Variants in MTR observed in about 807,000 individuals in gnomAD.
MTR encodes methionine synthase.
In MTR, 84 loss-of-function variants were observed where a neutral mutation model predicts 154.8. The ratio of observed to expected loss-of-function variants is 0.54; its 90% CI spans 0.45 to 0.65. The LOEUF (loss-of-function observed/expected upper bound fraction) is 0.65. Ranked by LOEUF, MTR falls within the 30% of genes least tolerant of loss-of-function variation. MTR has a pLI of 0.00. For synonymous variants in MTR, 554 were observed against 553.9 expected (o/e 1.00, Z 0.00); for missense variants, 1,275 against 1,570.2 (o/e 0.81, Z 3.18).
intron 22 of MTR, among the ~76,000 whole-genome samples, chr1:236,868,421 C>T (rs1327045225): frequency 6.6e-6 from 1 of 152,140 alleles, no homozygotes; most frequent in African/African-American, 2.4e-5. Flanking sequence ...TCACATGACT[C>T]ACTTTATTGA....
chr1:236,818,813 G>A (rs1201399830), intron 8 of MTR, among the ~76,000 whole-genome samples: 1 of 152,110 alleles, frequency 6.6e-6, no homozygotes, highest in Non-Finnish European at 1.5e-5. Context: ...TATATGTCCT[G>A]GAATACAGTC....
Position 236,795,334 on chromosome 1 carries a change from TC to T in MTR, c.-369del. 1 of 1,300,890 alleles carries T rather than the reference TC, an allele frequency of 7.7e-7. No homozygotes were observed. The highest frequency in any genetic ancestry group is 1.3e-5 in the South Asian group (1 of 76,644). 80.6% of individuals were successfully genotyped at this position (1,300,890 alleles called of 1,614,324 possible). A position where few individuals can be genotyped will look rare whatever the true frequency, so the allele number is the denominator to read the frequency against. On this transcript the variant is annotated 5_prime_UTR_variant, in exon 1 of 33. Coordinates refer to ENST00000366577, the MANE Select transcript of MTR (RefSeq NM_000254.3). ...GAAAGGTTCTAAATGTCTGCGGGGC[TC>T]AGAGCCGGATGTCACGTCGTCCTCC...
intron 15 of MTR, among the ~76,000 whole-genome samples, chr1:236,839,489 A>G (rs1346763956): frequency 6.6e-6 from 1 of 152,224 alleles, no homozygotes; most frequent in Non-Finnish European, 1.5e-5. Context: ...CCTTTATCAA[A>G]TAGAAGAAAA....
intron 15 of MTR, among the ~76,000 whole-genome samples, chr1:236,840,337 T>C (rs1362854938): frequency 6.6e-6 from 1 of 152,234 alleles, no homozygotes; most frequent in Non-Finnish European, 1.5e-5. Context: ...TTTGAATGTC[T>C]TGTGAGGAAA....
chr1:236,880,892 G>GT (rs1665696309), intron 25 of MTR, 56 bp downstream of exon 25: 7 of 1,483,842 alleles, frequency 4.7e-6, no homozygotes, highest in Non-Finnish European at 6.6e-6. Context: ...TGCATTACAA[G>GT]TAAGGGTTTA....
intron 20 of MTR, 115 bp downstream of exon 20, chr1:236,861,392 T>C: frequency 7.2e-7 from 1 of 1,390,902 alleles, no homozygotes; most frequent in Non-Finnish European, 1.0e-6. Context: ...TCAATGGTAT[T>C]GGCTAGTCAT....
chr1:236,867,116 G>C (rs1320308524), intron 22 of MTR, among the ~76,000 whole-genome samples: 12 of 152,148 alleles, frequency 7.9e-5, no homozygotes, highest in Non-Finnish European at 1.5e-4. Flanking sequence ...TTGGAAGTAG[G>C]TGCCATGCAG....
At chr1:236,801,111 C>T (rs1043257482) in intron 1 of MTR, among the ~76,000 whole-genome samples, 10 of 152,212 alleles carry the variant, frequency 6.6e-5, no homozygotes, top group Non-Finnish European at 1.3e-4. Flanking sequence ...GCGCCCACTG[C>T]CTGATGCCTA....
At chr1:236,897,308 A>ATGCGCGCGCG (rs57608445) in intron 32 of MTR, among the ~76,000 whole-genome samples, 190 bp downstream of exon 32, 2,812 of 131,380 alleles carry the variant, frequency 0.021, 122 homozygotes, top group African/African-American at 0.075. Context: ...AGCCACACAC[A>ATGCGCGCGCG]CGCACACACA....
chr1:236,875,946 G>A (rs1034361794), intron 24 of MTR, among the ~76,000 whole-genome samples: 16 of 152,156 alleles, frequency 1.1e-4, no homozygotes, highest in African/African-American at 3.9e-4. Context: ...GAGTCTAAAG[G>A]CAGTCTAGAG....
At chr1:236,859,454 T>C (rs1320692722) in intron 18 of MTR, among the ~76,000 whole-genome samples, 1 of 152,236 alleles carries the variant, frequency 6.6e-6, no homozygotes, top group Non-Finnish European at 1.5e-5. Flanking sequence ...AGCTTCATTA[T>C]GGCCTCCCTG....
intron 24 of MTR, among the ~76,000 whole-genome samples, chr1:236,876,395 G>A (rs1254883563): frequency 6.6e-6 from 1 of 152,198 alleles, no homozygotes; most frequent in Non-Finnish European, 1.5e-5. Flanking sequence ...AAGGGATATG[G>A]CCACCCATTA....
At position 236,806,255 on chromosome 1, in the gene MTR, G is replaced by A. The variant is rs769885251; in HGVS notation, c.339+22G>A. 9 of 1,589,078 alleles carry A rather than the reference G, an allele frequency of 5.7e-6. No homozygotes were observed. The Admixed American group carries it at 1.5e-4, about 26-fold the overall frequency. On this transcript the variant is annotated intron_variant, in intron 3 of 32. Coordinates refer to ENST00000366577, the MANE Select transcript of MTR (RefSeq NM_000254.3). ...CTTGGTAAGAATTCCATTGTTCCATGTGTCTAAGATGCTTACGAGCGTTTG... is the reference window on the plus strand; with the variant it reads ...CTTGGTAAGAATTCCATTGTTCCATATGTCTAAGATGCTTACGAGCGTTTG...
Position 236,895,370 on chromosome 1 carries a change from G to T in MTR, c.3418G>T (p.Glu1140Ter). The change falls in exon 31 of 33, where the codon GAG (glutamate) becomes TAG (stop). Residue 1140 changes from glutamate (E) to a stop codon, truncating the protein, a stop_gained. Transcript: ENST00000366577. LOFTEE classifies it high-confidence loss of function. ...TTTGGGTCCCAAGGCCTTTGCAGAA[G>T]AGCTCCATGAAAGAGTTCGCCGAGA... ...GDRLAEAFAE[E>*]LHERVRRELW... 1 of 1,598,928 alleles carries T rather than the reference G, an allele frequency of 6.3e-7. No individual in the cohort carries two copies. The highest frequency in any genetic ancestry group is 8.5e-7 in the Non-Finnish European group (1 of 1,172,090).
At chr1:236,878,556 G>A (rs1190683052) in intron 24 of MTR, among the ~76,000 whole-genome samples, 1 of 151,840 alleles carries the variant, frequency 6.6e-6, no homozygotes, top group African/African-American at 2.4e-5. Context: ...GGCCACATTG[G>A]AAGAATTGTT....
chr1:236,805,329 G>A (rs1414472995), intron 2 of MTR, among the ~76,000 whole-genome samples: 3 of 152,056 alleles, frequency 2.0e-5, no homozygotes, highest in Admixed American at 1.3e-4. Flanking sequence ...ACTAGGAGAT[G>A]TAGACTGAAC....
intron 15 of MTR, among the ~76,000 whole-genome samples, chr1:236,842,053 G>A (rs1397502068): frequency 3.3e-5 from 5 of 152,034 alleles, no homozygotes; most frequent in South Asian, 2.1e-4. Flanking sequence ...CACCTTACTC[G>A]GCTAATTTTT....
Position 236,895,430 on chromosome 1 carries a change from G to A in MTR, c.3478G>A (p.Val1160Ile), listed in dbSNP as rs1159496738. ...WAYCGSEQLD[V>I]ADLRRLRYKG... ...CTACTGTGGCAGTGAGCAGCTGGACGTCGCAGACCTGCGCAGGCTGCGGTA... is the reference window on the plus strand; with the variant it reads ...CTACTGTGGCAGTGAGCAGCTGGACATCGCAGACCTGCGCAGGCTGCGGTA... Residue 1160 changes from valine (V) to isoleucine (I), a missense_variant, in exon 31 of 33, where the codon GTC (valine) becomes ATC (isoleucine). Val to Ile is a conservative substitution (Grantham distance 29). Transcript: ENST00000366577. 8.7e-6 allele frequency: 14 copies of A among 1,604,502 alleles called. No individual in the cohort carries two copies. The highest frequency in any genetic ancestry group is 5.3e-5 in the African/African-American group (4 of 74,806).
At chr1:236,806,696 C>T (rs1661004238) in intron 3 of MTR, among the ~76,000 whole-genome samples, 1 of 152,180 alleles carries the variant, frequency 6.6e-6, no homozygotes, top group South Asian at 2.1e-4. Context: ...AGAACTTTCT[C>T]ATTTTCCAAA....
Sources: allele counts gnomAD v4.1 joint callset (sites outside exome capture counted in the v4.1 genomes callset), GRCh38; gene constraint gnomAD v4.1.1; transcripts MANE v1.5; gene names NCBI Gene and HGNC (gene_info 2026-07-23, HGNC 2026-07-21).